Variants in MTTP observed in about 807,000 individuals in gnomAD.
MTTP encodes microsomal triglyceride transfer protein large subunit.
A neutral mutation model predicts 90.6 loss-of-function variants in MTTP; 49 were observed. That is an observed-to-expected ratio of 0.54 (90% CI 0.43 to 0.69). The LOEUF (loss-of-function observed/expected upper bound fraction) is 0.69. MTTP is among the 30% of genes least tolerant of loss of function. The probability of loss-of-function intolerance (pLI) is 0.00; values close to 1 mark genes in which losing one functional copy is unlikely to be tolerated. For missense variants in MTTP, 945 were observed against 1,067.5 expected, an observed-to-expected ratio of 0.89 and a Z score of 1.60; for synonymous variants, 347 against 384.2, an observed-to-expected ratio of 0.90 and a Z score of 1.13.
At chr4:99,620,990 G>T in intron 16 of MTTP, 71 bp from the exon 17 acceptor site, 5 of 1,434,192 alleles carry the variant, frequency 3.5e-6, no homozygotes, top group Non-Finnish European at 4.8e-6. Flanking sequence ...ACCCTGTAAA[G>T]TTACAGCTGT....
upstream of MTTP, among the ~76,000 whole-genome samples, chr4:99,571,750 A>G (rs1442262715): frequency 6.6e-6 from 1 of 151,968 alleles, no homozygotes; most frequent in Non-Finnish European, 1.5e-5. Context: ...GGAATAAAAA[A>G]AGTCATCACA....
intron 3 of MTTP, among the ~76,000 whole-genome samples, chr4:99,586,711 T>G (rs1725267250): frequency 6.6e-6 from 1 of 152,150 alleles, no homozygotes; most frequent in Non-Finnish European, 1.5e-5. Context: ...GGCCACTTAA[T>G]GGAATTTAGT....
chr4:99,611,437 G>A lies in MTTP; in HGVS notation c.1973G>A (p.Gly658Asp), dbSNP rs751863175. ...ATCTTTCAGTACATTGGGAAGGCTG[G>A]TCTTCACGGTAGCCAGGTAACTCAC... The part of the protein sequence containing the change: ...LNIFQYIGKA[G>D]LHGSQVVIEA... The change falls in exon 14 of 18, where the codon GGT becomes GAT. Residue 658 changes from glycine to aspartate, a missense_variant. Physicochemically the swap from Gly to Asp is moderately conservative, Grantham distance 94 (BLOSUM62 -1). Coordinates refer to ENST00000265517, the MANE Select transcript of MTTP (RefSeq NM_001386140.1). The A allele has an allele frequency of 1.2e-6, 2 of 1,614,084 alleles. No homozygotes were observed. The highest frequency in any genetic ancestry group is 1.7e-6 in the Non-Finnish European group (2 of 1,179,958).
intron 1 of MTTP, among the ~76,000 whole-genome samples, chr4:99,579,814 G>A (rs1486181054): frequency 6.6e-6 from 1 of 151,920 alleles, no homozygotes; most frequent in Admixed American, 6.5e-5. Context: ...GAGGTGGGTG[G>A]ATTGCTTGAG....
At chr4:99,607,121 A>G (rs1560623136) in intron 11 of MTTP, among the ~76,000 whole-genome samples, 161 bp downstream of exon 11, 1 of 151,996 alleles carries the variant, frequency 6.6e-6, no homozygotes. Flanking sequence ...CGGCTATTCT[A>G]AATATCCTCA....
intron 3 of MTTP, among the ~76,000 whole-genome samples, chr4:99,587,934 T>C (rs1725295969): frequency 6.6e-6 from 1 of 152,192 alleles, no homozygotes; most frequent in Admixed American, 6.5e-5. Flanking sequence ...GAGAATATGA[T>C]ACTGTGAATT....
At chr4:99,566,283 C>G (rs1313131669) in intron 1 of MTTP, among the ~76,000 whole-genome samples, 1 of 122,130 alleles carries the variant, frequency 8.2e-6, no homozygotes, top group South Asian at 2.8e-4. Flanking sequence ...AGTGATACTC[C>G]GTCTCAAAAA....
chr4:99,608,184 C>G (rs1005200856), intron 11 of MTTP, among the ~76,000 whole-genome samples: 44 of 152,158 alleles, frequency 2.9e-4, no homozygotes, highest in African/African-American at 1.1e-3. Flanking sequence ...TGGTGGCTCA[C>G]GCCTGTAATC....
rs745529189 is a variant in MTTP at position 99,598,653 on chromosome 4, CTTTTTTTTTT to C, written c.1067+1448_1067+1457del. Among the ~76,000 whole-genome samples, 159 of 82,546 alleles carry C rather than the reference CTTTTTTTTTT, an allele frequency of 1.9e-3. 2 individuals carry two copies. The highest frequency in any genetic ancestry group is 5.8e-3 in the African/African-American group (119 of 20,502). The allele number at this position is 82,546 out of a possible 152,430, so 54.2% of individuals were successfully genotyped here. On this transcript the variant is annotated intron_variant, in intron 8 of 17. Coordinates refer to ENST00000265517, the MANE Select transcript of MTTP (RefSeq NM_001386140.1). ...ACAACAGTATATCCTTCAAGGAAGT[CTTTTTTTTTT>C]TTTTTTTTTTTTTTTTTTAGACAGT...
chr4:99,581,414 C>T (rs1011735485), intron 1 of MTTP, among the ~76,000 whole-genome samples: 3 of 152,212 alleles, frequency 2.0e-5, no homozygotes, highest in Admixed American at 6.5e-5. Flanking sequence ...GAGTAAATTA[C>T]ACTGAAGAGA....
At chr4:99,622,542 T>A in intron 17 of MTTP, 135 bp from the exon 18 acceptor site, 1 of 866,634 alleles carries the variant, frequency 1.2e-6, no homozygotes. Flanking sequence ...ATTCATGGAG[T>A]AGCCTTTGAC....
chr4:99,591,292 A>C lies in MTTP; in HGVS notation c.559A>C (p.Lys187Gln). Residue 187 changes from lysine (K) to glutamine (Q), a missense_variant, in exon 5 of 18, where the codon AAA becomes CAA. Lys to Gln is a moderately conservative substitution (Grantham distance 53, BLOSUM62 1). Coordinates refer to ENST00000265517, the MANE Select transcript of MTTP (RefSeq NM_001386140.1). ...CCAGGCTCATCAAGACAAAGTGATC[A>C]AAATTAAGGCCTTGGATTCATGCAA... ...TYQAHQDKVI[K>Q]IKALDSCKIA... The C allele has an allele frequency of 6.2e-7, 1 of 1,614,122 alleles. No individual in the cohort carries two copies. The highest frequency in any genetic ancestry group is 8.5e-7 in the Non-Finnish European group (1 of 1,179,958).
At chr4:99,613,353 T>A (rs955723916) in intron 15 of MTTP, among the ~76,000 whole-genome samples, 1 of 152,164 alleles carries the variant, frequency 6.6e-6, no homozygotes. Flanking sequence ...GTGCCTTTAA[T>A]TGGAGGCAAA....
chr4:99,572,897 A>G (rs1255189147), upstream of MTTP, among the ~76,000 whole-genome samples: 1 of 152,132 alleles, frequency 6.6e-6, no homozygotes, highest in African/African-American at 2.4e-5. Flanking sequence ...TATATTTTAT[A>G]AAAGGATGAT....
At chr4:99,570,270 C>T (rs1273165274), upstream of MTTP, among the ~76,000 whole-genome samples, 1 of 151,970 alleles carries the variant, frequency 6.6e-6, no homozygotes, top group Non-Finnish European at 1.5e-5. Context: ...GACATCTTTA[C>T]AGAATATATA....
chr4:99,577,128 C>A (rs531330530), intron 1 of MTTP, among the ~76,000 whole-genome samples: 8 of 152,258 alleles, frequency 5.3e-5, no homozygotes, highest in Admixed American at 3.3e-4. Context: ...ATTATAGATT[C>A]TTTGCCCTTG....
intron 3 of MTTP, among the ~76,000 whole-genome samples, chr4:99,588,294 C>G (rs1725305955): frequency 6.6e-6 from 1 of 152,038 alleles, no homozygotes; most frequent in African/African-American, 2.4e-5. Context: ...CAGGATATTT[C>G]TGGTAGAAAT....
At chr4:99,564,171 A>G (rs1385339646) in exon 1 of MTTP, 2 of 1,535,560 alleles carry the variant, frequency 1.3e-6, no homozygotes, top group East Asian at 4.9e-5. Flanking sequence ...AGTTACAGTG[A>G]TGTCTGTTTT....
At chr4:99,573,065 G>A (rs1724873720), upstream of MTTP, among the ~76,000 whole-genome samples, 1 of 151,976 alleles carries the variant, frequency 6.6e-6, no homozygotes, top group Non-Finnish European at 1.5e-5. Flanking sequence ...TTATTGGTTG[G>A]ACTCTGGAAA....
Sources: allele counts gnomAD v4.1 joint callset (sites outside exome capture counted in the v4.1 genomes callset), GRCh38; gene constraint gnomAD v4.1.1; transcripts MANE v1.5; gene names NCBI Gene and HGNC (gene_info 2026-07-23, HGNC 2026-07-21).